ZNF16: variants seen among roughly 807,000 people sequenced by gnomAD.
ZNF16 encodes zinc finger protein 16, also known as zinc finger protein KOX9.
A neutral mutation model predicts 9.0 loss-of-function variants in ZNF16; 7 were observed. That is an observed-to-expected ratio of 0.78 (90% CI 0.44 to 1.47). The LOEUF (loss-of-function observed/expected upper bound fraction) is 1.47, where lower values mean the gene tolerates loss of function less well. Ranked by LOEUF, ZNF16 falls within the 40% of genes most tolerant of loss-of-function variation. The pLI is 0.01. For missense variants in ZNF16, 830 were observed against 854.2 expected (o/e 0.97, Z 0.35); for synonymous variants, 312 against 301.5 (o/e 1.03, Z -0.36).
chr8:144,937,093 G>T (rs1833699377), intron 2 of ZNF16, among the ~76,000 whole-genome samples: 1 of 148,712 alleles, frequency 6.7e-6, no homozygotes, highest in Non-Finnish European at 1.5e-5. Context: ...AATATGATTT[G>T]CAGATTTCCC....
intron 2 of ZNF16, among the ~76,000 whole-genome samples, chr8:144,934,190 C>G (rs373959286): frequency 1.3e-4 from 20 of 152,298 alleles, no homozygotes; most frequent in Middle Eastern, 3.4e-3. Context: ...GGGACTTGCC[C>G]CTCTACCCAC....
At chr8:144,942,760 T>A (rs1833836221) in intron 2 of ZNF16, among the ~76,000 whole-genome samples, 1 of 152,170 alleles carries the variant, frequency 6.6e-6, no homozygotes, top group Non-Finnish European at 1.5e-5. Context: ...CATAGTGGGG[T>A]AAAAAACATA....
intron 2 of ZNF16, among the ~76,000 whole-genome samples, chr8:144,936,666 A>G (rs1194405309): frequency 6.6e-6 from 1 of 152,070 alleles, no homozygotes; most frequent in African/African-American, 2.4e-5. Flanking sequence ...TTTGCTTGTT[A>G]GCCATTCATA....
chr8:144,937,316 A>C (rs1833709832), intron 2 of ZNF16, among the ~76,000 whole-genome samples: 1 of 151,686 alleles, frequency 6.6e-6, no homozygotes, highest in African/African-American at 2.4e-5. Context: ...TTGTAGTTTT[A>C]GTAGAGATGG....
intron 1 of ZNF16, among the ~76,000 whole-genome samples, chr8:144,947,723 T>A (rs1002005340): frequency 6.6e-6 from 1 of 152,192 alleles, no homozygotes; most frequent in Non-Finnish European, 1.5e-5. Context: ...TGCCACCAAC[T>A]TCCTTGGTGA....
In ZNF16 at chr8:144,946,234, A is replaced by G. The variant is rs755646116; in HGVS notation, c.-9-19T>C. The G allele has an allele frequency of 9.3e-6, 14 of 1,498,266 alleles. No individual in the cohort carries two copies. The allele number at this position is 1,498,266 out of a possible 1,614,324, so 92.8% of individuals were successfully genotyped here. On this transcript the variant is annotated intron_variant, in intron 1 of 2. Coordinates refer to ENST00000394909, the MANE Select transcript of ZNF16 (RefSeq NM_006958.3). ...CAAGGACCTGAAAACCGGCAAGAAC[A>G]CAGGTGAGTCTACAGACAGGCTAGC...
intron 2 of ZNF16, chr8:144,945,764 G>T: frequency 1.6e-6 from 1 of 613,902 alleles, no homozygotes; most frequent in Non-Finnish European, 2.6e-6. Context: ...GCAAATCAAA[G>T]GACGCTGGTG....
At chr8:144,948,789 G>A (rs1371926748) in intron 1 of ZNF16, among the ~76,000 whole-genome samples, 1 of 152,096 alleles carries the variant, frequency 6.6e-6, no homozygotes, top group Non-Finnish European at 1.5e-5. Flanking sequence ...GTGGGATCTT[G>A]CTTACCAGGA....
intron 2 of ZNF16, 75 bp downstream of exon 2, chr8:144,945,935 TA>T (rs1405313491): frequency 1.3e-6 from 2 of 1,574,410 alleles, no homozygotes; most frequent in South Asian, 2.3e-5. Flanking sequence ...AGATGCCTCC[TA>T]GGGGTAAGCA....
At chr8:144,949,130 T>G (rs1834029308) in intron 1 of ZNF16, among the ~76,000 whole-genome samples, 1 of 151,968 alleles carries the variant, frequency 6.6e-6, no homozygotes, top group South Asian at 2.1e-4. Flanking sequence ...TCTTTAGGAG[T>G]CACACAACTG....
chr8:144,944,066 CTTTTTTTCT>C (rs537333857), intron 2 of ZNF16: 7,537 of 136,492 alleles, frequency 0.055, 277 homozygotes, highest in Non-Finnish European at 0.076. Flanking sequence ...TTTTTTTTTT[CTTTTTTTCT>C]TTTTTTTTTT....
chr8:144,936,363 T>C lies in ZNF16; in HGVS notation c.197-3773A>G, dbSNP rs182584520. On this transcript the variant is annotated intron_variant, in intron 2 of 2. Transcript: ENST00000394909. ...ACCTTTTGGCTATCATGAATACTAC[T>C]GCTGTGAACATGATATGCATGTACT... is the stretch of plus-strand genomic sequence containing the variant. Among the ~76,000 whole-genome samples the C allele has an allele frequency of 2.9e-3, 440 of 152,364 alleles. 3 individuals carry two copies. The highest frequency in any genetic ancestry group is 9.5e-3 in the African/African-American group (397 of 41,588).
chr8:144,935,373 T>C (rs980606773), intron 2 of ZNF16, among the ~76,000 whole-genome samples: 1 of 151,894 alleles, frequency 6.6e-6, no homozygotes, highest in African/African-American at 2.4e-5. Flanking sequence ...CTGCTAAATT[T>C]TGTTGTATTT....
chr8:144,947,623 C>T (rs1023608123), intron 1 of ZNF16, among the ~76,000 whole-genome samples: 1 of 152,210 alleles, frequency 6.6e-6, no homozygotes, highest in African/African-American at 2.4e-5. Flanking sequence ...GCACCCACAG[C>T]AGGTGTTCCC....
At chr8:144,948,847 G>C (rs973727024) in intron 1 of ZNF16, among the ~76,000 whole-genome samples, 1 of 152,180 alleles carries the variant, frequency 6.6e-6, no homozygotes, top group Non-Finnish European at 1.5e-5. Context: ...CTAATCCCTG[G>C]AACTTGTGCT....
At chr8:144,946,775 CTGT>C in intron 1 of ZNF16, among the ~76,000 whole-genome samples, 1 of 100,548 alleles carries the variant, frequency 9.9e-6, no homozygotes, top group Non-Finnish European at 2.0e-5. Flanking sequence ...TGCTGTGGGC[CTGT>C]GTCCTGCTGT....
At chr8:144,937,213 C>T (rs2979067) in intron 2 of ZNF16, among the ~76,000 whole-genome samples, 1 of 132,138 alleles carries the variant, frequency 7.6e-6, no homozygotes, top group African/African-American at 2.9e-5. Context: ...CTGGTGCGAT[C>T]TTGGCTCACT....
chr8:144,936,164 T>C (rs1234218384), intron 2 of ZNF16, among the ~76,000 whole-genome samples: 1 of 152,244 alleles, frequency 6.6e-6, no homozygotes, highest in Non-Finnish European at 1.5e-5. Context: ...TTTGTACAAA[T>C]GGAATTATAT....
chr8:144,950,137 C>T (rs1834067806), intron 1 of ZNF16, among the ~76,000 whole-genome samples: 1 of 152,076 alleles, frequency 6.6e-6, no homozygotes, highest in South Asian at 2.1e-4. Flanking sequence ...CGTGCCCATC[C>T]AGGCATAGTA....
Sources: allele counts gnomAD v4.1 joint callset (sites outside exome capture counted in the v4.1 genomes callset), GRCh38; gene constraint gnomAD v4.1.1; transcripts MANE v1.5; gene names NCBI Gene and HGNC (gene_info 2026-07-23, HGNC 2026-07-21).